The following PAX2 variants were observed in gnomAD, a reference collection of about 807,000 sequenced individuals.
PAX2 encodes paired box 2, also known as paired box protein Pax-2.
Under a neutral mutation model 41.7 loss-of-function variants are expected in PAX2, and 9 were observed. The observed-to-expected ratio is 0.22, with a 90% confidence interval of 0.13 to 0.38. PAX2 has a LOEUF of 0.38. Among genes scored for constraint, PAX2 ranks in the 10% least tolerant of loss-of-function variants. The pLI, the probability that PAX2 is intolerant of heterozygous loss-of-function variation, is 1.00. For synonymous variants in PAX2, 221 were observed against 212.7 expected, an observed-to-expected ratio of 1.04 and a Z score of -0.34; for missense variants, 418 against 531.6, an observed-to-expected ratio of 0.79 and a Z score of 2.10.
chr10:100,743,283 G>A (rs1022124833), upstream of PAX2, among the ~76,000 whole-genome samples: 1 of 152,160 alleles, frequency 6.6e-6, no homozygotes, highest in Admixed American at 6.5e-5. Context: ...CACACTTGGC[G>A]CATTAAGTCC....
At chr10:100,740,955 C>T (rs1470538660), upstream of PAX2, among the ~76,000 whole-genome samples, 1 of 152,226 alleles carries the variant, frequency 6.6e-6, no homozygotes, top group African/African-American at 2.4e-5. Context: ...TTTTCAGTTC[C>T]CTAGTAGAGT....
At chr10:100,783,061 T>A (rs1846698568) in intron 5 of PAX2, among the ~76,000 whole-genome samples, 2 of 152,198 alleles carry the variant, frequency 1.3e-5, no homozygotes, top group Non-Finnish European at 2.9e-5. Context: ...CTGCATGGGC[T>A]CCTGTGGGGC....
intron 5 of PAX2, among the ~76,000 whole-genome samples, chr10:100,804,319 A>G (rs1384440322): frequency 6.7e-6 from 1 of 148,560 alleles, no homozygotes; most frequent in African/African-American, 2.5e-5. Context: ...CAAGCCACAC[A>G]CAGACAGGCA....
chr10:100,779,880 TC>T (rs1438984756), intron 4 of PAX2, among the ~76,000 whole-genome samples: 1 of 152,074 alleles, frequency 6.6e-6, no homozygotes, highest in Non-Finnish European at 1.5e-5. Context: ...TTCTTCTTTT[TC>T]TTCTTCTCCT....
chr10:100,817,587 C>G (rs917000964), intron 7 of PAX2, among the ~76,000 whole-genome samples: 1 of 152,176 alleles, frequency 6.6e-6, no homozygotes, highest in Admixed American at 6.5e-5. Context: ...GGGTAACATC[C>G]CTGCCTAGGA....
chr10:100,807,668 C>G (rs1564737887), intron 6 of PAX2, among the ~76,000 whole-genome samples: 1 of 152,196 alleles, frequency 6.6e-6, no homozygotes, highest in Non-Finnish European at 1.5e-5. Context: ...CCCACATACG[C>G]TGGGTGGAGC....
chr10:100,743,686 G>A (rs995196215), upstream of PAX2, among the ~76,000 whole-genome samples: 1 of 151,768 alleles, frequency 6.6e-6, no homozygotes, highest in African/African-American at 2.4e-5. Flanking sequence ...TCGGCTGCCC[G>A]AACTGTTTTC....
Position 100,828,917 on chromosome 10 carries a change from C to G in PAX2, c.*1298C>G, listed in dbSNP as rs912614685. 1 of 227,346 alleles carries G rather than the reference C, an allele frequency of 4.4e-6. No individual in the cohort carries two copies. The highest frequency in any genetic ancestry group is 8.8e-6 in the Non-Finnish European group (1 of 113,846). 14.1% of individuals were successfully genotyped at this position (227,346 alleles called of 1,614,324 possible). A position where few individuals can be genotyped will look rare whatever the true frequency, so the allele number is the denominator to read the frequency against. ...AACCCGGTGTACATAACCCCTCCCC[C>G]TCCGCCCCGCCCCGCCCGGCCCCGT... On this transcript the variant is annotated 3_prime_UTR_variant, in exon 10 of 10. Transcript: ENST00000355243. This position sits in a 1 kb window ranked among gnomAD's most constrained non-coding sequence, Gnocchi z 6.5.
intron 5 of PAX2, among the ~76,000 whole-genome samples, chr10:100,787,766 G>A (rs1010696313): frequency 6.6e-6 from 1 of 152,064 alleles, no homozygotes; most frequent in African/African-American, 2.4e-5. Context: ...TGGGTGGGGG[G>A]CACCCAGGGC....
chr10:100,813,608 C>T (rs749601448), intron 7 of PAX2, among the ~76,000 whole-genome samples: 1 of 152,114 alleles, frequency 6.6e-6, no homozygotes, highest in Non-Finnish European at 1.5e-5. Context: ...GAAAGGCAAA[C>T]ACATACACTC....
At chr10:100,767,249 C>T (rs998075248) in intron 3 of PAX2, among the ~76,000 whole-genome samples, 14 of 152,286 alleles carry the variant, frequency 9.2e-5, no homozygotes, top group Admixed American at 5.9e-4. Flanking sequence ...CAGCAGAAAA[C>T]GATCACAGCT....
chr10:100,748,459 G>A lies in PAX2; in HGVS notation c.44-1287G>A, dbSNP rs974235796. 4.1e-6 allele frequency: 4 copies of A among 985,104 alleles called. No homozygotes were observed. The African/African-American group carries it at 5.2e-5, about 13-fold the overall frequency. The allele number at this position is 985,104 out of a possible 1,614,324, so 61.0% of individuals were successfully genotyped here. Reference sequence around the variant, plus strand: ...AAAGGGAGGGGAGAGAAATGAGGGGGGCACAGATGTCCCCGCTTTCTCCGA... The same window carrying A: ...AAAGGGAGGGGAGAGAAATGAGGGGAGCACAGATGTCCCCGCTTTCTCCGA... On this transcript the variant is annotated intron_variant, in intron 1 of 9. Transcript: ENST00000355243. The surrounding 1 kb of genome is among the most constrained non-coding windows in gnomAD (Gnocchi z 5.0).
chr10:100,827,566 G>A lies in PAX2; in HGVS notation c.1132G>A (p.Ala378Thr). 1 of 1,613,434 alleles carries A rather than the reference G, an allele frequency of 6.2e-7. No individual in the cohort carries two copies. The highest frequency in any genetic ancestry group is 8.5e-7 in the Non-Finnish European group (1 of 1,179,566). ...AGGTTCCCCTTATTATTATAGTGCC[G>A]CCCCCCGGGGCTCCGCCCCTGCCGC... ...LLSSPYYYSA[A>T]PRGSAPAAAA... is the part of the protein sequence containing the mutation. The change falls in exon 10 of 10, where the codon GCC becomes ACC. Residue 378 changes from alanine to threonine, a missense_variant. Physicochemically the swap from Ala to Thr is moderately conservative, Grantham distance 58. Transcript: ENST00000355243. This position sits in a 1 kb window ranked among gnomAD's most constrained non-coding sequence, Gnocchi z 8.5.
chr10:100,757,183 A>G (rs1473440585), intron 3 of PAX2, among the ~76,000 whole-genome samples: 1 of 152,160 alleles, frequency 6.6e-6, no homozygotes, highest in East Asian at 1.9e-4. Context: ...GTACCTACCT[A>G]TGTCTGCTTT....
chr10:100,749,858 T>C lies in PAX2; in HGVS notation c.156T>C (p.Cys52=). 6.2e-7 allele frequency: 1 copy of C among 1,612,418 alleles called. No homozygotes were observed. The highest frequency in any genetic ancestry group is 8.5e-7 in the Non-Finnish European group (1 of 1,179,572). Residue 52 remains cysteine, a synonymous_variant, in exon 2 of 10, where the codon TGT becomes TGC. Transcript: ENST00000355243. ...VELAHQGVRP[C]DISRQLRVSH... ...TGGCCCACCAGGGTGTGCGGCCCTGTGACATCTCCCGGCAGCTGCGGGTCA... is the reference window on the plus strand; with the variant it reads ...TGGCCCACCAGGGTGTGCGGCCCTGCGACATCTCCCGGCAGCTGCGGGTCA...
chr10:100,803,727 C>T (rs1222778686), intron 5 of PAX2, among the ~76,000 whole-genome samples: 6 of 151,920 alleles, frequency 3.9e-5, no homozygotes, highest in Admixed American at 2.6e-4. Flanking sequence ...TCTCCTCTAA[C>T]GCCTCCTTTC....
intron 3 of PAX2, among the ~76,000 whole-genome samples, chr10:100,754,651 G>A (rs1010753717): frequency 6.6e-6 from 1 of 152,222 alleles, no homozygotes; most frequent in East Asian, 1.9e-4. Flanking sequence ...AGGCAGTGGG[G>A]TGACAATGGT....
chr10:100,758,061 T>A (rs965089235), intron 3 of PAX2, among the ~76,000 whole-genome samples: 1 of 151,894 alleles, frequency 6.6e-6, no homozygotes, highest in African/African-American at 2.4e-5. Context: ...GATAATGTAA[T>A]GAGAACAGAT....
chr10:100,820,101 G>T (rs1288416509), intron 7 of PAX2, among the ~76,000 whole-genome samples: 1 of 152,174 alleles, frequency 6.6e-6, no homozygotes, highest in Admixed American at 6.5e-5. Context: ...TCTCACAGGA[G>T]ATTAATACTC....
Sources: allele counts gnomAD v4.1 joint callset (sites outside exome capture counted in the v4.1 genomes callset), GRCh38; gene constraint gnomAD v4.1.1; non-coding constraint Gnocchi (gnomAD v3.1); transcripts MANE v1.5; gene names NCBI Gene and HGNC (gene_info 2026-07-23, HGNC 2026-07-21).